The following INTS4 variants were observed in gnomAD, a reference collection of about 807,000 sequenced individuals.
INTS4 encodes integrator complex subunit 4.
A neutral mutation model predicts 119.5 loss-of-function variants in INTS4; 70 were observed. The ratio of observed to expected loss-of-function variants is 0.59; its 90% CI spans 0.48 to 0.71. INTS4 has a LOEUF of 0.71. INTS4 is among the 30% of genes least tolerant of loss of function. INTS4 has a pLI of 0.00. For synonymous variants in INTS4, 316 were observed against 419.6 expected, an observed-to-expected ratio of 0.75 and a Z score of 3.02; for missense variants, 867 against 1,173.2, an observed-to-expected ratio of 0.74 and a Z score of 3.81.
intron 16 of INTS4, among the ~76,000 whole-genome samples, chr11:77,905,598 A>G (rs1172518645): frequency 2.0e-5 from 3 of 152,210 alleles, no homozygotes; most frequent in Admixed American, 1.3e-4. Context: ...AAAATGTTGA[A>G]ACTTCCTCGA....
At chr11:77,932,624 T>C (rs1953679896) in intron 10 of INTS4, among the ~76,000 whole-genome samples, 1 of 152,102 alleles carries the variant, frequency 6.6e-6, no homozygotes, top group Non-Finnish European at 1.5e-5. Context: ...CCCAAAGCAT[T>C]ATAAATCATT....
At chr11:77,900,156 G>A (rs1369088829) in intron 18 of INTS4, among the ~76,000 whole-genome samples, 1 of 151,738 alleles carries the variant, frequency 6.6e-6, no homozygotes, top group Non-Finnish European at 1.5e-5. Flanking sequence ...CTGGAGTGCA[G>A]TGGTGTGATT....
chr11:77,921,542 T>C (rs545788449), intron 13 of INTS4, 69 bp from the exon 14 acceptor site: 3 of 930,674 alleles, frequency 3.2e-6, no homozygotes, highest in South Asian at 2.8e-5. Context: ...ACTCTCACTT[T>C]CCACCTCCAA....
At chr11:77,971,700 T>C (rs1855743063) in intron 4 of INTS4, among the ~76,000 whole-genome samples, 1 of 152,142 alleles carries the variant, frequency 6.6e-6, no homozygotes. Flanking sequence ...TTTACAAATA[T>C]TTTTTCCCAT....
chr11:77,914,234 T>C (rs1160462550), intron 15 of INTS4, among the ~76,000 whole-genome samples: 1 of 152,202 alleles, frequency 6.6e-6, no homozygotes, highest in Non-Finnish European at 1.5e-5. Flanking sequence ...GGCCGGCCAC[T>C]GCCTAGCAAG....
At chr11:77,944,227 A>C (rs1953996099) in intron 8 of INTS4, among the ~76,000 whole-genome samples, 1 of 152,210 alleles carries the variant, frequency 6.6e-6, no homozygotes, top group East Asian at 1.9e-4. Context: ...TTTTTAAGCA[A>C]GATAGACTCG....
At chr11:77,973,313 C>A (rs771655801) in intron 4 of INTS4, among the ~76,000 whole-genome samples, 3 of 152,142 alleles carry the variant, frequency 2.0e-5, no homozygotes, top group Non-Finnish European at 4.4e-5. Flanking sequence ...AGTGGATTCC[C>A]TAAGATTTTC....
intron 11 of INTS4, among the ~76,000 whole-genome samples, chr11:77,927,553 A>G (rs1381218967): frequency 1.3e-5 from 2 of 152,300 alleles, no homozygotes; most frequent in East Asian, 3.9e-4. Context: ...AAATCCAGAC[A>G]TTTTAGAAAA....
In INTS4 at chr11:77,927,937, C is replaced by T. The variant is rs1169976980; in HGVS notation, c.1371+405G>A. On this transcript the variant is annotated intron_variant, in intron 11 of 22. Transcript: ENST00000534064. ...CTCTGTCTGGTACCCTTTCATCCTA[C>T]CACCAGTGTCACTTCTCCTTTAAAA... is the stretch of plus-strand genomic sequence containing the variant. Among the ~76,000 whole-genome samples, 5 of 152,228 alleles carry T rather than the reference C, an allele frequency of 3.3e-5. No individual in the cohort carries two copies. In the South Asian group the frequency reaches 8.3e-4, roughly 25 times the overall value.
At chr11:77,923,919 T>TA (rs1399205081) in intron 12 of INTS4, among the ~76,000 whole-genome samples, 2 of 150,834 alleles carry the variant, frequency 1.3e-5, no homozygotes, top group Non-Finnish European at 3.0e-5. Context: ...CGTGTGCCAC[T>TA]AGGCCCGGCA....
intron 21 of INTS4, among the ~76,000 whole-genome samples, chr11:77,887,346 G>A (rs1952057367): frequency 2.0e-5 from 3 of 152,326 alleles, no homozygotes; most frequent in Non-Finnish European, 4.4e-5. Context: ...AATAGAGGCA[G>A]AAAAGGCCTT....
chr11:77,875,755 T>C (rs1951577428), downstream of INTS4, among the ~76,000 whole-genome samples: 1 of 152,150 alleles, frequency 6.6e-6, no homozygotes, highest in South Asian at 2.1e-4. Context: ...GACACAGATA[T>C]GTCCTAGAAC....
At chr11:77,984,792 C>T (rs1397070065) in intron 2 of INTS4, among the ~76,000 whole-genome samples, 4 of 150,228 alleles carry the variant, frequency 2.7e-5, no homozygotes, top group Non-Finnish European at 5.9e-5. Flanking sequence ...GAGAGGATTG[C>T]ATAAGCCTGG....
rs1450619594 is a variant in INTS4 at position 77,894,924 on chromosome 11, C to A, written c.2229-575G>T. ...GTCTACATGCAATTTACTCAGAGATCATTTTTTCCATAGCGGTATAGCCTA... is the reference window on the plus strand; with the variant it reads ...GTCTACATGCAATTTACTCAGAGATAATTTTTTCCATAGCGGTATAGCCTA... On this transcript the variant is annotated intron_variant, in intron 18 of 22. Coordinates refer to ENST00000534064, the MANE Select transcript of INTS4 (RefSeq NM_033547.4). Among the ~76,000 whole-genome samples, 12 of 152,290 alleles carry A rather than the reference C, an allele frequency of 7.9e-5. No homozygotes were observed. The East Asian group carries it at 2.3e-3, about 29-fold the overall frequency.
Position 77,879,066 on chromosome 11 carries a change from T to A in INTS4, c.2775A>T (p.Lys925Asn). The A allele has an allele frequency of 6.2e-7, 1 of 1,614,162 alleles. No homozygotes were observed. The highest frequency in any genetic ancestry group is 8.5e-7 in the Non-Finnish European group (1 of 1,179,994). The change falls in exon 23 of 23, where the codon AAA (lysine) becomes AAT (asparagine). Residue 925 changes from lysine to asparagine, a missense_variant. By Grantham distance (94) the Lys-to-Asn change is moderately conservative (BLOSUM62 0). Coordinates refer to ENST00000534064, the MANE Select transcript of INTS4 (RefSeq NM_033547.4). ...TCTCACCACCCTCCATCCAGGGGCA[T>A]TTTGGAATGCGAGCACTGGAGTTGT... ...LAYNSSARIP[K>N]CPWMEGGEMS...
rs762842400 is a variant in INTS4, at chr11:77,981,534, C to T, written c.289G>A (p.Gly97Ser). The change falls in exon 3 of 23, where the codon GGT becomes AGT. Residue 97 changes from glycine (G) to serine (S), a missense_variant. Gly to Ser is a moderately conservative substitution (Grantham distance 56). Coordinates refer to ENST00000534064, the MANE Select transcript of INTS4 (RefSeq NM_033547.4). ...AATCCTGCTGTCTTTGATAATAAAC[C>T]CAACAATGATGCAATTTTCAGTCTC... is the stretch of plus-strand genomic sequence containing the variant. ...SVRLKIASLLGLLSKTAGFSP... is the reference protein window; with the variant it reads ...SVRLKIASLLSLLSKTAGFSP... 32 of 1,585,246 alleles carry T rather than the reference C, an allele frequency of 2.0e-5. No individual in the cohort carries two copies. The South Asian group carries it at 3.7e-4, about 19-fold the overall frequency.
chr11:77,900,240 C>T (rs773489174), intron 18 of INTS4, among the ~76,000 whole-genome samples: 1 of 152,052 alleles, frequency 6.6e-6, no homozygotes, highest in East Asian at 1.9e-4. Context: ...GCTGGGACTA[C>T]TGGTGCATGC....
chr11:77,911,741 G>T (rs183710946), intron 15 of INTS4, among the ~76,000 whole-genome samples: 117 of 152,270 alleles, frequency 7.7e-4, no homozygotes, highest in African/African-American at 2.6e-3. Flanking sequence ...GGAGACTATG[G>T]GCTCTAATGA....
In INTS4 at chr11:77,989,869, C is replaced by T. The variant is rs1245367054; in HGVS notation, c.246+1239G>A. ...AGCCGTGATAGCACCACTGCACTCC[C>T]GCCTGGGCGAGAAAGCAAGACCCCA... is the stretch of plus-strand genomic sequence containing the variant. On this transcript the variant is annotated intron_variant, in intron 2 of 22. Transcript: ENST00000534064. 5.3e-5 allele frequency among the ~76,000 whole-genome samples: 8 copies of T among 152,014 alleles called. No homozygotes were observed. In the East Asian group the frequency reaches 1.2e-3, roughly 22 times the overall value.
Sources: allele counts gnomAD v4.1 joint callset (sites outside exome capture counted in the v4.1 genomes callset), GRCh38; gene constraint gnomAD v4.1.1; transcripts MANE v1.5; gene names NCBI Gene and HGNC (gene_info 2026-07-23, HGNC 2026-07-21).